EFTUD2: variants seen among roughly 807,000 people sequenced by gnomAD.
The protein encoded by EFTUD2 is 116 kDa U5 small nuclear ribonucleoprotein component.
EFTUD2 carries 9 observed loss-of-function variants against 114.3 expected under a neutral mutation model. That is an observed-to-expected ratio of 0.08 (90% CI 0.05 to 0.14). The LOEUF is 0.14. EFTUD2 is among the 10% of genes least tolerant of loss of function. The pLI is 1.00. For missense variants in EFTUD2, 765 were observed against 1,241.2 expected, an observed-to-expected ratio of 0.62 and a Z score of 5.76; for synonymous variants, 449 against 462.3, an observed-to-expected ratio of 0.97 and a Z score of 0.37.
intron 6 of EFTUD2, 96 bp from the exon 7 acceptor site, chr17:44,881,818 G>A: frequency 1.7e-6 from 2 of 1,201,142 alleles, no homozygotes; most frequent in Non-Finnish European, 2.5e-6. Context: ...CCAGCTCAAG[G>A]GTTTCTTTGA....
chr17:44,856,863 G>T (rs2050565949), intron 20 of EFTUD2, among the ~76,000 whole-genome samples: 1 of 152,170 alleles, frequency 6.6e-6, no homozygotes, highest in African/African-American at 2.4e-5. Flanking sequence ...CTCCTCTTGG[G>T]AATACCCAAG....
chr17:44,891,643 T>C (rs534258513), intron 2 of EFTUD2, among the ~76,000 whole-genome samples: 4 of 152,034 alleles, frequency 2.6e-5, no homozygotes, highest in Non-Finnish European at 4.4e-5. Context: ...AGCCACTAAG[T>C]GTTTAGCCCA....
In EFTUD2 at chr17:44,879,653, CTAAG is replaced by C. The variant is rs778408719; in HGVS notation, c.620-19_620-16del. 3 of 1,612,924 alleles carry C rather than the reference CTAAG, an allele frequency of 1.9e-6. No individual in the cohort carries two copies. Among genetic ancestry groups the C allele is most frequent in the Non-Finnish European group, 2.5e-6 (3 of 1,179,552 alleles). On this transcript the variant is annotated splice_polypyrimidine_tract_variant and intron_variant, in intron 8 of 27. Transcript: ENST00000426333. ...ATTCACATGTCCTGAAAAGCAAATA[CTAAG>C]TAAGTCATCACTTGGTGCAGGATAA...
intron 4 of EFTUD2, among the ~76,000 whole-genome samples, chr17:44,884,511 C>A (rs2051129660): frequency 7.0e-6 from 1 of 143,356 alleles, no homozygotes; most frequent in Admixed American, 6.9e-5. Context: ...AGAGTGAGAC[C>A]CCGCATCGAA....
At chr17:44,862,298 A>G (rs2050672681) in intron 16 of EFTUD2, among the ~76,000 whole-genome samples, 1 of 151,980 alleles carries the variant, frequency 6.6e-6, no homozygotes, top group African/African-American at 2.4e-5. Flanking sequence ...AGCCAGACAT[A>G]GTGGTGTGTG....
rs1467291243 is a variant in EFTUD2, at chr17:44,872,484, G to A, written c.956C>T (p.Thr319Met). ...ATAGATCTTGGCAAAGGAGCCCAGC[G>A]TGAAGCAGATGCTGTACTGGGAGCT... ...FSSSQYSICF[T>M]LGSFAKIYAD... Residue 319 changes from threonine to methionine, a missense_variant, in exon 11 of 28, where the codon ACG (threonine) becomes ATG (methionine). By Grantham distance (81) the Thr-to-Met change is moderately conservative. Coordinates refer to ENST00000426333, the MANE Select transcript of EFTUD2 (RefSeq NM_004247.4). 25 of 1,613,344 alleles carry A rather than the reference G, an allele frequency of 1.5e-5. No homozygotes were observed. The highest frequency in any genetic ancestry group is 2.0e-5 in the Non-Finnish European group (24 of 1,179,594).
At chr17:44,853,764 T>G in intron 23 of EFTUD2, 129 bp from the exon 24 acceptor site, 1 of 1,502,680 alleles carries the variant, frequency 6.7e-7, no homozygotes, top group Admixed American at 2.1e-5. Flanking sequence ...AGAAATCAAA[T>G]GGGAGGTGGG....
chr17:44,869,799 C>T (rs140253714), intron 11 of EFTUD2, among the ~76,000 whole-genome samples: 54 of 152,320 alleles, frequency 3.5e-4, no homozygotes, highest in African/African-American at 1.2e-3. Flanking sequence ...CTACCCCACC[C>T]CTAAATTCTC....
In EFTUD2 at chr17:44,875,957, C is replaced by T; in HGVS notation, c.846G>A (p.Val282=). 6.2e-7 allele frequency: 1 copy of T among 1,613,990 alleles called. No individual in the cohort carries two copies. Residue 282 remains valine (V), a synonymous_variant, in exon 10 of 28, where the codon GTG becomes GTA. Transcript: ENST00000426333. ...TDAYYKLRHI[V]DEVNGLISMY... is the part of the protein sequence containing the mutation. ...ACCTTATTAATCCATTGACCTCATC[C>T]ACAATGTGGCGCAGCTTGTAATAAG...
chr17:44,893,144 C>T (rs1240383484), intron 2 of EFTUD2, among the ~76,000 whole-genome samples: 1 of 149,096 alleles, frequency 6.7e-6, no homozygotes, highest in East Asian at 2.0e-4. Flanking sequence ...TTGTTTGAGA[C>T]CGAGTCTCAC....
chr17:44,867,599 C>A (rs962267063), intron 13 of EFTUD2, among the ~76,000 whole-genome samples: 1 of 151,856 alleles, frequency 6.6e-6, no homozygotes, highest in Non-Finnish European at 1.5e-5. Context: ...CATGCCCGGG[C>A]CCCTTTCCTT....
intron 7 of EFTUD2, among the ~76,000 whole-genome samples, chr17:44,881,465 C>G (rs1043078256): frequency 6.6e-6 from 1 of 152,236 alleles, no homozygotes; most frequent in African/African-American, 2.4e-5. Context: ...TAGTCAAGAA[C>G]AGGAGGGTTC....
At position 44,851,749 on chromosome 17, in the gene EFTUD2, G is replaced by A. The variant is rs2050455654; in HGVS notation, c.2784C>T (p.His928=). 2 of 1,597,756 alleles carry A rather than the reference G, an allele frequency of 1.3e-6. No individual in the cohort carries two copies. The highest frequency in any genetic ancestry group is 1.1e-5 in the South Asian group (1 of 87,656). The change falls in exon 27 of 28, where the codon CAC becomes CAT. Residue 928 remains histidine (H), a synonymous_variant. Transcript: ENST00000426333. Reference sequence around the variant, plus strand: ...TTTTGATCATGAATTCCCGGGCCAGGTGAGGAGCTGGCTGTGGCTCCAAGG... The same window carrying A: ...TTTTGATCATGAATTCCCGGGCCAGATGAGGAGCTGGCTGTGGCTCCAAGG... The part of the protein sequence containing the change: ...IRPLEPQPAP[H]LAREFMIKTR...
rs1001792749 is a variant in EFTUD2 at position 44,853,280 on chromosome 17, G to A, written c.2561+16C>T. 4.3e-6 allele frequency: 7 copies of A among 1,612,954 alleles called. No individual in the cohort carries two copies. The highest frequency in any genetic ancestry group is 1.3e-5 in the African/African-American group (1 of 74,874). Reference sequence around the variant, plus strand: ...TTGCTCTCAGCACTCTCCCTAATACGCCTGGGGCCGCTCACCTGCGCCTGG... The same window carrying A: ...TTGCTCTCAGCACTCTCCCTAATACACCTGGGGCCGCTCACCTGCGCCTGG... On this transcript the variant is annotated intron_variant, in intron 25 of 27. Coordinates refer to ENST00000426333, the MANE Select transcript of EFTUD2 (RefSeq NM_004247.4).
At chr17:44,861,138 G>A (rs750821210) in intron 16 of EFTUD2, among the ~76,000 whole-genome samples, 5 of 152,122 alleles carry the variant, frequency 3.3e-5, no homozygotes, top group Non-Finnish European at 5.9e-5. Context: ...ACTGTAAGGG[G>A]CTAGCAAAAG....
chr17:44,876,766 T>C (rs7212041), intron 9 of EFTUD2, among the ~76,000 whole-genome samples: 38,840 of 144,502 alleles, frequency 0.27, 5,091 homozygotes, highest in Middle Eastern at 0.31. Flanking sequence ...GGCAGGAGAA[T>C]GGCGTGAACC....
chr17:44,880,288 A>G (rs919199365), intron 8 of EFTUD2, among the ~76,000 whole-genome samples: 1 of 152,210 alleles, frequency 6.6e-6, no homozygotes. Flanking sequence ...ATGGGGCCTG[A>G]CAGGCTGAAA....
chr17:44,851,262 G>A lies in EFTUD2; in HGVS notation c.*12C>T, dbSNP rs770747714. 1 of 1,611,380 alleles carries A rather than the reference G, an allele frequency of 6.2e-7. No homozygotes were observed. ...CACTGTAGGGAGCAGGAGCTCCCAGGAGTCCACGCACTCACATGGGGTAAT... is the reference window on the plus strand; with the variant it reads ...CACTGTAGGGAGCAGGAGCTCCCAGAAGTCCACGCACTCACATGGGGTAAT... On this transcript the variant is annotated 3_prime_UTR_variant, in exon 28 of 28. Coordinates refer to ENST00000426333, the MANE Select transcript of EFTUD2 (RefSeq NM_004247.4).
At chr17:44,858,962 A>C in intron 19 of EFTUD2, 118 bp downstream of exon 19, 1 of 726,088 alleles carries the variant, frequency 1.4e-6, no homozygotes, top group Admixed American at 2.1e-5. Context: ...GCAACAGATC[A>C]TGGTTTTCAC....
Sources: gnomAD v4.1 joint callset for allele counts (sites outside exome capture counted in the v4.1 genomes callset) on GRCh38, gnomAD v4.1.1 for gene constraint, MANE v1.5 for transcripts, NCBI Gene and HGNC (gene_info 2026-07-23, HGNC 2026-07-21) for gene names.